The following KANSL1L variants were observed in gnomAD, a reference collection of about 807,000 sequenced individuals.
KANSL1L encodes the protein KAT8 regulatory NSL complex subunit 1-like protein.
In KANSL1L, 25 loss-of-function variants were observed where a neutral mutation model predicts 108.6. The observed-to-expected ratio is 0.23, with a 90% CI of 0.17 to 0.32. The LOEUF (loss-of-function observed/expected upper bound fraction) is 0.32. Among genes scored for constraint, KANSL1L ranks in the 10% least tolerant of loss-of-function variants. The pLI is 1.00. For missense variants in KANSL1L, 1,137 were observed against 1,125.7 expected (o/e 1.01, Z -0.14); for synonymous variants, 405 against 395.1 (o/e 1.03, Z -0.30).
Position 210,104,321 on chromosome 2 carries a change from A to G in KANSL1L, c.1231-20T>C. 4 of 1,591,956 alleles carry G rather than the reference A, an allele frequency of 2.5e-6. No individual in the cohort carries two copies. The highest frequency in any genetic ancestry group is 3.4e-6 in the Non-Finnish European group (4 of 1,161,906). The stretch of plus-strand genomic sequence containing the variant: ...TATCCCCTAGACAAAAAACAATGAG[A>G]AAGTTGAAATGAAAACAAACTTATT... On this transcript the variant is annotated intron_variant, in intron 3 of 14. Coordinates refer to ENST00000281772, the MANE Select transcript of KANSL1L (RefSeq NM_152519.4).
chr2:210,038,312 G>T lies in KANSL1L; in HGVS notation c.2029+2108C>A, dbSNP rs80136343. Among the ~76,000 whole-genome samples the T allele has an allele frequency of 1.5e-3, 224 of 152,010 alleles. 3 individuals carry two copies. The East Asian group carries it at 0.017, about 11-fold the overall frequency. ...GGGAATAGGTACAAAATAAACAAGG[G>T]AGTTTTTAAGCCACACTGAACTTAT... On this transcript the variant is annotated intron_variant, in intron 8 of 14. Coordinates refer to ENST00000281772, the MANE Select transcript of KANSL1L (RefSeq NM_152519.4).
At chr2:210,160,376 G>T (rs2095355560) in intron 1 of KANSL1L, among the ~76,000 whole-genome samples, 1 of 152,012 alleles carries the variant, frequency 6.6e-6, no homozygotes, top group Non-Finnish European at 1.5e-5. Context: ...AAAAAGCACA[G>T]ATTAGAAAGT....
Position 210,043,987 on chromosome 2 carries a change from C to T in KANSL1L, c.1873G>A (p.Val625Ile). Residue 625 changes from valine to isoleucine, a missense_variant, in exon 7 of 15, where the codon GTA (valine) becomes ATA (isoleucine). Around this residue, in one of 3 missense-constraint regions of KANSL1L, gnomAD observed 575 missense variants for 567.1 expected, o/e 1.01. Coordinates refer to ENST00000281772, the MANE Select transcript of KANSL1L (RefSeq NM_152519.4). Reference protein sequence around the residue: ...NSESYLLREHVSELDSSFHSV... With the variant: ...NSESYLLREHISELDSSFHSV... The stretch of plus-strand genomic sequence containing the variant: ...TGGAAAGAGGAATCTAACTCTGATA[C>T]ATGTTCTCTTAATAGGTAAGACTCC... 1 of 1,606,442 alleles carries T rather than the reference C, an allele frequency of 6.2e-7. No individual in the cohort carries two copies. The highest frequency in any genetic ancestry group is 1.3e-5 in the African/African-American group (1 of 74,676).
intron 7 of KANSL1L, among the ~76,000 whole-genome samples, chr2:210,041,396 T>C (rs1275529049): frequency 1.3e-5 from 2 of 152,196 alleles, no homozygotes; most frequent in Admixed American, 1.3e-4. Context: ...TTTGAATACA[T>C]AAATGAGGAT....
chr2:210,034,937 C>T (rs772076222), intron 8 of KANSL1L, among the ~76,000 whole-genome samples: 22 of 152,214 alleles, frequency 1.4e-4, no homozygotes, highest in Non-Finnish European at 3.1e-4. Context: ...CATCGTATCA[C>T]ATTTGCTTTA....
In KANSL1L at chr2:210,154,268, A is replaced by G. The variant is rs774011371; in HGVS notation, c.315T>C (p.Ser105=). The change falls in exon 2 of 15, where the codon AGT becomes AGC. Residue 105 remains serine, a synonymous_variant. Transcript: ENST00000281772. ...NYKQKKLGEP[S]CNKLKNILYN... ...ACAGTATGTTTTTCAGCTTATTGCA[A>G]CTGGGCTCCCCTAATTTCTTTTGTT... The G allele has an allele frequency of 6.2e-7, 1 of 1,613,952 alleles. No individual in the cohort carries two copies. The highest frequency in any genetic ancestry group is 1.7e-5 in the Admixed American group (1 of 59,988).
chr2:210,054,901 A>G (rs1042037433), intron 6 of KANSL1L, among the ~76,000 whole-genome samples: 1 of 152,224 alleles, frequency 6.6e-6, no homozygotes, highest in Admixed American at 6.5e-5. Context: ...AAAACCCCAA[A>G]GAACAAACAA....
intron 1 of KANSL1L, among the ~76,000 whole-genome samples, chr2:210,157,691 GAAAAAAAAAAAAAAA>G (rs56676129): frequency 2.2e-3 from 106 of 47,214 alleles, no homozygotes; most frequent in African/African-American, 4.8e-3. Context: ...CACTGTCACA[GAAAAAAAAAAAAAAA>G]AAAAAAAAAA....
intron 2 of KANSL1L, among the ~76,000 whole-genome samples, chr2:210,140,577 G>A (rs2095218603): frequency 6.6e-6 from 1 of 152,184 alleles, no homozygotes; most frequent in Admixed American, 6.5e-5. Flanking sequence ...GTATTTTGAA[G>A]TCAGGTAATG....
intron 1 of KANSL1L, among the ~76,000 whole-genome samples, chr2:210,160,192 G>A (rs2095354627): frequency 6.6e-6 from 1 of 152,164 alleles, no homozygotes; most frequent in Admixed American, 6.5e-5. Flanking sequence ...TCTTTAATCT[G>A]ATAAAAAGCA....
intron 3 of KANSL1L, among the ~76,000 whole-genome samples, chr2:210,122,424 G>A (rs1406781099): frequency 1.3e-5 from 2 of 151,874 alleles, no homozygotes; most frequent in East Asian, 3.9e-4. Flanking sequence ...CCAAGAACTT[G>A]GGGAAAAAAC....
chr2:210,163,854 C>T (rs1347780171), intron 1 of KANSL1L, among the ~76,000 whole-genome samples: 1 of 152,044 alleles, frequency 6.6e-6, no homozygotes, highest in African/African-American at 2.4e-5. Context: ...CACTCATCAT[C>T]GTATTCTAGA....
Position 210,127,670 on chromosome 2 carries a change from G to A in KANSL1L, c.1230+1361C>T, listed in dbSNP as rs536469989. Among the ~76,000 whole-genome samples the A allele has an allele frequency of 5.5e-4, 84 of 151,580 alleles. 3 individuals carry two copies. The South Asian group carries it at 0.015, about 28-fold the overall frequency. On this transcript the variant is annotated intron_variant, in intron 3 of 14. Coordinates refer to ENST00000281772, the MANE Select transcript of KANSL1L (RefSeq NM_152519.4). ...AAAACTTAGCCAGGCATGGTGGCAC[G>A]AGCCTCTAGTCTCAGCTACTTGGGA...
chr2:210,111,875 G>A (rs998176582), intron 3 of KANSL1L, among the ~76,000 whole-genome samples: 4 of 150,686 alleles, frequency 2.7e-5, no homozygotes, highest in African/African-American at 9.8e-5. Context: ...TAAAGCTCTC[G>A]CTGCCCCCTC....
intron 5 of KANSL1L, chr2:210,097,172 T>G: frequency 1.4e-6 from 1 of 733,522 alleles, no homozygotes; most frequent in Non-Finnish European, 1.7e-6. Context: ...CTCGAACTCC[T>G]GAGCTCATGA....
intron 6 of KANSL1L, among the ~76,000 whole-genome samples, chr2:210,058,147 C>T (rs1487518788): frequency 2.0e-5 from 3 of 152,126 alleles, no homozygotes; most frequent in Admixed American, 2.0e-4. Context: ...AAGGAACATC[C>T]CTGAGAAAGA....
rs1056599649 is a variant in KANSL1L at position 210,113,535 on chromosome 2, A to G, written c.1231-9234T>C. ...AAACAACAAAAAAAACAAAAAGCAT[A>G]CAATGAAACAGGAAAAATGGAGCAT... On this transcript the variant is annotated intron_variant, in intron 3 of 14. Coordinates refer to ENST00000281772, the MANE Select transcript of KANSL1L (RefSeq NM_152519.4). Among the ~76,000 whole-genome samples, 7 of 152,266 alleles carry G rather than the reference A, an allele frequency of 4.6e-5. No homozygotes were observed. In the East Asian group the frequency reaches 1.3e-3, roughly 29 times the overall value.
chr2:210,161,977 T>A (rs1354559241), intron 1 of KANSL1L, among the ~76,000 whole-genome samples: 1 of 150,934 alleles, frequency 6.6e-6, no homozygotes, highest in Admixed American at 6.6e-5. Context: ...GTGATCCTAG[T>A]ATTTTGGGAG....
At chr2:210,152,946 G>A (rs185601622) in intron 2 of KANSL1L, 1 of 152,242 alleles carries the variant, frequency 6.6e-6, no homozygotes, top group African/African-American at 2.4e-5. Flanking sequence ...TCCTGTATGG[G>A]TTTTTCCTAG....
Sources: gnomAD v4.1 joint callset for allele counts (sites outside exome capture counted in the v4.1 genomes callset) on GRCh38, gnomAD v4.1.1 for gene constraint, gnomAD v4.1.1 regional missense constraint, MANE v1.5 for transcripts, NCBI Gene and HGNC (gene_info 2026-07-23, HGNC 2026-07-21) for gene names.